The following TMEM272 variants were observed in gnomAD, a reference collection of about 807,000 sequenced individuals.
The protein encoded by TMEM272 is long intergenic non-protein coding RNA 282.
Under a neutral mutation model 3.7 loss-of-function variants are expected in TMEM272, and 8 were observed. The ratio of observed to expected loss-of-function variants is 2.17; its 90% CI spans 1.27 to 3.91. The LOEUF (loss-of-function observed/expected upper bound fraction) is 3.91. Ranked by LOEUF, TMEM272 falls within the 30% of genes most tolerant of loss-of-function variation. The pLI is 0.00. For synonymous variants in TMEM272, 63 were observed against 39.8 expected (o/e 1.58, Z -2.20); for missense variants, 166 against 91.5 (o/e 1.81, Z -3.32).
chr13:51,859,615 C>A, the TMEM272 span, among the ~76,000 whole-genome samples: 11 of 151,408 alleles, frequency 7.3e-5, no homozygotes, highest in Non-Finnish European at 1.2e-4. Context: ...ATTAGCTGAT[C>A]GTTAAGCTAA....
At chr13:51,873,284 T>C in the TMEM272 span, among the ~76,000 whole-genome samples, 1 of 152,160 alleles carries the variant, frequency 6.6e-6, no homozygotes, top group Non-Finnish European at 1.5e-5. Context: ...GGAAGAATAG[T>C]GTGGTCTACT....
intron 2 of TMEM272, among the ~76,000 whole-genome samples, chr13:51,836,875 G>A (rs1321246308): frequency 1.3e-5 from 2 of 152,250 alleles, no homozygotes; most frequent in Non-Finnish European, 2.9e-5. Context: ...TTTCCAGAGT[G>A]AGAAGGGAAG....
the TMEM272 span, among the ~76,000 whole-genome samples, chr13:51,851,582 T>C: frequency 5.6e-5 from 8 of 141,682 alleles, no homozygotes; most frequent in Admixed American, 1.5e-4. Context: ...TAGAGTGCAG[T>C]GGCATGTCCT....
the TMEM272 span, among the ~76,000 whole-genome samples, chr13:51,874,711 G>A: frequency 6.6e-6 from 1 of 152,198 alleles, no homozygotes; most frequent in African/African-American, 2.4e-5. Context: ...TCATACGGGT[G>A]AATTCTCCCT....
intron 4 of TMEM272, among the ~76,000 whole-genome samples, chr13:51,818,051 T>C (rs1339953985): frequency 1.3e-5 from 2 of 152,222 alleles, no homozygotes; most frequent in African/African-American, 4.8e-5. Flanking sequence ...TGTGATGTTT[T>C]TGAAAGCCTG....
rs1956039152 is a variant in TMEM272, at chr13:51,817,131, G to A, written c.202-18C>T. On this transcript the variant is annotated intron_variant, in intron 4 of 4. Coordinates refer to ENST00000629372, the MANE Select transcript of TMEM272 (RefSeq NM_001351003.2). ...AGAGACACCTGGGGCGTGGTGGGGA[G>A]CCAGGGTGGCAAGGCAGAGCAGCAA... 2 of 694,900 alleles carry A rather than the reference G, an allele frequency of 2.9e-6. No homozygotes were observed. The highest frequency in any genetic ancestry group is 5.3e-6 in the Non-Finnish European group (2 of 378,850). 43.0% of individuals were successfully genotyped at this position (694,900 alleles called of 1,614,324 possible).
rs1468127413 is a variant in TMEM272 at position 51,816,494 on chromosome 13, TTG to T, written c.*255_*256del. Reference sequence around the variant, plus strand: ...AAAACAATTATCCCTTTGAAAACTCTTGTGAGAACAAAATTCCCACTCTGAAA... The same window carrying T: ...AAAACAATTATCCCTTTGAAAACTCTTGAGAACAAAATTCCCACTCTGAAA... On this transcript the variant is annotated 3_prime_UTR_variant, in exon 5 of 5. Transcript: ENST00000629372. The T allele has an allele frequency of 2.5e-6, 1 of 403,682 alleles. No individual in the cohort carries two copies. Among genetic ancestry groups the T allele is most frequent in the Non-Finnish European group, 4.5e-6 (1 of 223,178 alleles). 25.0% of individuals were successfully genotyped at this position (403,682 alleles called of 1,614,324 possible). A position where few individuals can be genotyped will look rare whatever the true frequency, so the allele number is the denominator to read the frequency against.
chr13:51,823,582 G>A lies in TMEM272; in HGVS notation c.119-1445C>T, dbSNP rs116794850. Reference sequence around the variant, plus strand: ...AAGAAATAAACTCTTACAGTGTTAAGCCACTGGGATTCCAGGGTTAATTTG... The same window carrying A: ...AAGAAATAAACTCTTACAGTGTTAAACCACTGGGATTCCAGGGTTAATTTG... On this transcript the variant is annotated intron_variant, in intron 3 of 4. Coordinates refer to ENST00000629372, the MANE Select transcript of TMEM272 (RefSeq NM_001351003.2). Among the ~76,000 whole-genome samples, 1,503 of 152,346 alleles carry A rather than the reference G, an allele frequency of 9.9e-3. 27 individuals carry two copies. Among genetic ancestry groups the A allele is most frequent in the African/African-American group, 0.035 (1,439 of 41,572 alleles).
chr13:51,832,671 C>T (rs1956182968), intron 2 of TMEM272, among the ~76,000 whole-genome samples: 1 of 152,208 alleles, frequency 6.6e-6, no homozygotes, highest in Non-Finnish European at 1.5e-5. Context: ...CCACCCACCC[C>T]TCTTCTCCAG....
chr13:51,921,911 CGTGTGTGTGTGTAT>C, the TMEM272 span, among the ~76,000 whole-genome samples: 4 of 151,902 alleles, frequency 2.6e-5, no homozygotes, highest in Non-Finnish European at 4.4e-5. Flanking sequence ...CCACTGTGTG[CGTGTGTGTGTGTAT>C]GTGTGTGTGT....
At chr13:51,828,543 C>T (rs1047663985) in intron 2 of TMEM272, among the ~76,000 whole-genome samples, 4 of 152,180 alleles carry the variant, frequency 2.6e-5, no homozygotes, top group Non-Finnish European at 5.9e-5. Flanking sequence ...CCAATTTCCA[C>T]TCCTCCCCTC....
the TMEM272 span, among the ~76,000 whole-genome samples, chr13:51,851,410 C>T: frequency 5.0e-5 from 7 of 139,930 alleles, no homozygotes; most frequent in Non-Finnish European, 1.1e-4. Context: ...AGAAGAAGAA[C>T]AAGAAGAAGA....
At chr13:51,848,145 T>A (rs752351215), upstream of TMEM272, among the ~76,000 whole-genome samples, 1 of 152,144 alleles carries the variant, frequency 6.6e-6, no homozygotes, top group Non-Finnish European at 1.5e-5. Flanking sequence ...TCATGCACGA[T>A]GTCGTGGTGG....
intron 2 of TMEM272, among the ~76,000 whole-genome samples, chr13:51,832,888 C>T (rs897496429): frequency 2.0e-5 from 3 of 152,168 alleles, no homozygotes; most frequent in Non-Finnish European, 1.5e-5. Context: ...CTCGGCAATG[C>T]GGACTTCACC....
chr13:51,814,957 G>A lies in TMEM272; in HGVS notation c.*1794C>T, dbSNP rs1956003704. The A allele has an allele frequency of 6.5e-6, 1 of 152,716 alleles. No individual in the cohort carries two copies. Among genetic ancestry groups the A allele is most frequent in the South Asian group, 2.1e-4 (1 of 4,834 alleles). The allele number at this position is 152,716 out of a possible 1,614,324, so 9.5% of individuals were successfully genotyped here. ...TCAGAGGCTTTCATGTGGGAGTCAT[G>A]CAGGTGTCCCTGGGCCCAGGTCTTT... On this transcript the variant is annotated 3_prime_UTR_variant, in exon 5 of 5. Coordinates refer to ENST00000629372, the MANE Select transcript of TMEM272 (RefSeq NM_001351003.2).
chr13:51,867,084 C>G, the TMEM272 span, among the ~76,000 whole-genome samples: 4 of 152,066 alleles, frequency 2.6e-5, no homozygotes, highest in African/African-American at 4.8e-5. Flanking sequence ...AGAAACGCCA[C>G]GACAAATGTG....
chr13:51,817,000 G>C lies in TMEM272; in HGVS notation c.315C>G (p.Tyr105Ter), dbSNP rs1956035610. 2.8e-6 allele frequency: 2 copies of C among 702,916 alleles called. No homozygotes were observed. Among genetic ancestry groups the C allele is most frequent in the Admixed American group, 2.0e-5 (1 of 49,994 alleles). 43.5% of individuals were successfully genotyped at this position (702,916 alleles called of 1,614,324 possible). ...EYPWRQNAHRYYIHLLLSLFL... is the reference protein window; with the variant it reads ...EYPWRQNAHR ...AGAGGCTCAGCAGGAGGTGGATGTA[G>C]TATCTGTGCGCATTCTGCCTCCAGG... The change falls in exon 5 of 5, where the codon TAC becomes TAG. Residue 105 changes from tyrosine (Y) to a stop codon, truncating the protein, a stop_gained. Coordinates refer to ENST00000629372, the MANE Select transcript of TMEM272 (RefSeq NM_001351003.2). LOFTEE classifies it low-confidence loss of function (END_TRUNC).
the TMEM272 span, among the ~76,000 whole-genome samples, chr13:51,894,351 C>T: frequency 6.6e-6 from 1 of 152,206 alleles, no homozygotes; most frequent in Non-Finnish European, 1.5e-5. Context: ...GGGACTGGGA[C>T]ATCAGCACAG....
At chr13:51,921,822 G>A in the TMEM272 span, among the ~76,000 whole-genome samples, 1,538 of 152,292 alleles carry the variant, frequency 0.01, 17 homozygotes, top group African/African-American at 0.031. Context: ...GCTGGGGAGC[G>A]GAGGTCCAAA....
Sources: allele counts gnomAD v4.1 joint callset (sites outside exome capture counted in the v4.1 genomes callset), GRCh38; gene constraint gnomAD v4.1.1; transcripts MANE v1.5; gene names NCBI Gene and HGNC (gene_info 2026-07-23, HGNC 2026-07-21).